The following SPOPL variants were observed in gnomAD, a reference collection of about 807,000 sequenced individuals.
The protein encoded by SPOPL is speckle-type POZ protein-like.
A neutral mutation model predicts 53.8 loss-of-function variants in SPOPL; 23 were observed. That is an observed-to-expected ratio of 0.43 (90% CI 0.31 to 0.61). The LOEUF (loss-of-function observed/expected upper bound fraction) is 0.61, where lower values mean the gene tolerates loss of function less well. Ranked by LOEUF, SPOPL falls within the 20% of genes least tolerant of loss-of-function variation. The pLI is 0.12. For missense variants in SPOPL, 442 were observed against 466.9 expected (o/e 0.95, Z 0.49); for synonymous variants, 164 against 149.7 (o/e 1.10, Z -0.70).
At chr2:138,546,328 T>A (rs1685195173) in intron 1 of SPOPL, among the ~76,000 whole-genome samples, 2 of 152,344 alleles carry the variant, frequency 1.3e-5, no homozygotes, top group East Asian at 1.9e-4. Context: ...ATTGATTGTC[T>A]TGTGTTTTTC....
intron 5 of SPOPL, 75 bp downstream of exon 5, chr2:138,552,756 C>T: frequency 6.8e-7 from 1 of 1,465,986 alleles, no homozygotes; most frequent in Non-Finnish European, 9.2e-7. Flanking sequence ...GGATTAATAA[C>T]ACTTTAAAAT....
At chr2:138,550,795 T>C in intron 3 of SPOPL, 108 bp from the exon 4 acceptor site, 1 of 1,431,000 alleles carries the variant, frequency 7.0e-7, no homozygotes, top group South Asian at 1.4e-5. Context: ...TTTGTGACAT[T>C]AACACATGAT....
chr2:138,547,589 G>A (rs1685224565), intron 1 of SPOPL, among the ~76,000 whole-genome samples: 1 of 151,900 alleles, frequency 6.6e-6, no homozygotes, highest in Non-Finnish European at 1.5e-5. Context: ...TAGTCCATAT[G>A]AGTTTGAAAA....
In SPOPL at chr2:138,505,959, A is replaced by G. The variant is rs185801811; in HGVS notation, c.-61+3840A>G. On this transcript the variant is annotated intron_variant, in intron 1 of 10. Coordinates refer to ENST00000280098, the MANE Select transcript of SPOPL (RefSeq NM_001001664.3). The stretch of plus-strand genomic sequence containing the variant: ...TCAACTTTCTGGACCTGGAAGGTCC[A>G]GTAAGAACTGAACTTCAGCACGTGA... Among the ~76,000 whole-genome samples the G allele has an allele frequency of 1.5e-4, 23 of 152,298 alleles. No individual in the cohort carries two copies. The East Asian group carries it at 4.3e-3, about 28-fold the overall frequency.
At chr2:138,553,081 C>T (rs79246475) in intron 5 of SPOPL, among the ~76,000 whole-genome samples, 5,250 of 152,002 alleles carry the variant, frequency 0.035, 132 homozygotes, top group Middle Eastern at 0.061. Context: ...AGTTTGAACC[C>T]GAAGTACCTG....
chr2:138,501,775 C>T lies in SPOPL; in HGVS notation c.-405C>T. On this transcript the variant is annotated 5_prime_UTR_variant, in exon 1 of 11. Transcript: ENST00000280098. ...CCGCCGCCGCCGCCGCGCGCACGCG[C>T]CCTCGCGGGCTGGAGCCGGGGCTGG... 1 of 156,788 alleles carries T rather than the reference C, an allele frequency of 6.4e-6. No individual in the cohort carries two copies. Among genetic ancestry groups the T allele is most frequent in the Non-Finnish European group, 1.4e-5 (1 of 71,400 alleles). The allele number at this position is 156,788 out of a possible 1,614,324, so 9.7% of individuals were successfully genotyped here.
intron 1 of SPOPL, among the ~76,000 whole-genome samples, chr2:138,530,780 G>A (rs539607472): frequency 3.0e-4 from 45 of 152,138 alleles, no homozygotes; most frequent in Middle Eastern, 3.4e-3. Context: ...TTTTCTTTAT[G>A]CCTTTCCAAT....
At chr2:138,548,043 A>C (rs1341116778) in intron 1 of SPOPL, among the ~76,000 whole-genome samples, 3 of 152,128 alleles carry the variant, frequency 2.0e-5, no homozygotes, top group Admixed American at 6.5e-5. Flanking sequence ...TTACAGGATG[A>C]ATCTGACAAA....
intron 1 of SPOPL, among the ~76,000 whole-genome samples, chr2:138,527,184 G>A (rs1684695068): frequency 6.6e-6 from 1 of 152,028 alleles, no homozygotes; most frequent in Non-Finnish European, 1.5e-5. Context: ...TTATCCAGAT[G>A]TGTCTAGGTA....
intron 1 of SPOPL, among the ~76,000 whole-genome samples, chr2:138,533,118 C>T (rs1203138741): frequency 1.3e-5 from 2 of 152,112 alleles, no homozygotes; most frequent in African/African-American, 2.4e-5. Flanking sequence ...TATAAAATTT[C>T]CTATTATCCA....
intron 6 of SPOPL, 34 bp from the exon 7 acceptor site, chr2:138,559,248 A>T (rs1288424250): frequency 1.2e-6 from 2 of 1,611,078 alleles, no homozygotes; most frequent in Non-Finnish European, 1.7e-6. Flanking sequence ...AAATGCATTT[A>T]TGCATAAAAT....
intron 1 of SPOPL, among the ~76,000 whole-genome samples, chr2:138,512,823 A>G (rs1030898328): frequency 6.6e-6 from 1 of 152,222 alleles, no homozygotes; most frequent in African/African-American, 2.4e-5. Context: ...TCCTGTATTT[A>G]CAGTGATGAA....
intron 1 of SPOPL, among the ~76,000 whole-genome samples, chr2:138,540,310 G>A (rs1170328153): frequency 1.3e-5 from 2 of 152,258 alleles, no homozygotes; most frequent in East Asian, 3.9e-4. Context: ...GATGGGGATG[G>A]CATTGAATCT....
At chr2:138,554,481 A>G (rs13029425) in intron 5 of SPOPL, 2 of 1,289,576 alleles carry the variant, frequency 1.6e-6, no homozygotes, top group Admixed American at 2.3e-5. Flanking sequence ...GCATTGCACT[A>G]CCCTTCCTAA....
chr2:138,554,814 A>G (rs762711581), intron 5 of SPOPL, among the ~76,000 whole-genome samples: 2 of 151,822 alleles, frequency 1.3e-5, no homozygotes, highest in African/African-American at 4.9e-5. Flanking sequence ...TACAGATAAA[A>G]TATATATAAA....
intron 1 of SPOPL, among the ~76,000 whole-genome samples, chr2:138,548,575 G>C (rs1685247398): frequency 6.6e-6 from 1 of 151,930 alleles, no homozygotes; most frequent in Non-Finnish European, 1.5e-5. Flanking sequence ...TAGGTAAAAA[G>C]TGGCTTTTTA....
chr2:138,566,423 T>G (rs1200866895), intron 10 of SPOPL, among the ~76,000 whole-genome samples: 2 of 152,160 alleles, frequency 1.3e-5, no homozygotes, highest in Non-Finnish European at 2.9e-5. Context: ...TGTACCCCCT[T>G]GGAGAAGCTG....
chr2:138,561,205 C>T (rs1685540628), intron 8 of SPOPL, among the ~76,000 whole-genome samples: 2 of 151,958 alleles, frequency 1.3e-5, no homozygotes, highest in South Asian at 4.1e-4. Context: ...TAAAAGAACA[C>T]ACACAGTGAC....
intron 1 of SPOPL, among the ~76,000 whole-genome samples, chr2:138,548,239 C>CTTTTTTTT (rs34021497): frequency 3.9e-4 from 35 of 88,988 alleles, no homozygotes; most frequent in African/African-American, 1.6e-3. Context: ...TGAAGGTAAA[C>CTTTTTTTT]TTTTTTTTTT....
Sources: gnomAD v4.1 joint callset for allele counts (sites outside exome capture counted in the v4.1 genomes callset) on GRCh38, gnomAD v4.1.1 for gene constraint, MANE v1.5 for transcripts, NCBI Gene and HGNC (gene_info 2026-07-23, HGNC 2026-07-21) for gene names.